Variants in FER observed in about 807,000 individuals in gnomAD.
The protein encoded by FER is FER tyrosine kinase.
A neutral mutation model predicts 111.0 loss-of-function variants in FER; 63 were observed. That is an observed-to-expected ratio of 0.57 (90% CI 0.46 to 0.70). The LOEUF is 0.70. FER is among the 30% of genes least tolerant of loss of function. The probability of loss-of-function intolerance (pLI) is 0.00; values close to 1 mark genes in which losing one functional copy is unlikely to be tolerated. For synonymous variants in FER, 327 were observed against 313.9 expected (o/e 1.04, Z -0.44); for missense variants, 914 against 954.0 (o/e 0.96, Z 0.55).
intron 3 of FER, among the ~76,000 whole-genome samples, chr5:108,819,413 G>GT (rs1477439008): frequency 6.6e-6 from 1 of 152,106 alleles, no homozygotes; most frequent in Non-Finnish European, 1.5e-5. Flanking sequence ...TATGTCAGGT[G>GT]TAACACATTA....
At chr5:108,772,351 T>TATATATATACACATATATATGTA (rs1561394982) in intron 2 of FER, among the ~76,000 whole-genome samples, 1 of 151,456 alleles carries the variant, frequency 6.6e-6, no homozygotes, top group African/African-American at 2.4e-5. Flanking sequence ...TATGTATATA[T>TATATATATACACATATATATGTA]TTTGTTGTTG....
intron 3 of FER, chr5:108,819,744 A>AG: frequency 2.1e-6 from 2 of 970,454 alleles, no homozygotes; most frequent in Non-Finnish European, 2.5e-6. Context: ...TGTGAGAGAG[A>AG]AAAAAAGCAT....
At chr5:108,882,071 G>A (rs896724840) in intron 8 of FER, among the ~76,000 whole-genome samples, 1 of 151,738 alleles carries the variant, frequency 6.6e-6, no homozygotes, top group Non-Finnish European at 1.5e-5. Flanking sequence ...GCTATACTAG[G>A]GCATTTAAAT....
intron 13 of FER, among the ~76,000 whole-genome samples, chr5:108,979,450 C>T (rs74919803): frequency 0.011 from 1,599 of 152,230 alleles, 24 homozygotes; most frequent in African/African-American, 0.036. Flanking sequence ...TTATAAGTTA[C>T]AGTTTGAACA....
chr5:108,807,966 G>A (rs576018196), intron 3 of FER, among the ~76,000 whole-genome samples: 2 of 148,478 alleles, frequency 1.3e-5, no homozygotes, highest in Non-Finnish European at 3.0e-5. Flanking sequence ...TTATTTCACT[G>A]TGGCCCAAGA....
At chr5:109,116,973 C>T (rs1303887094) in intron 17 of FER, among the ~76,000 whole-genome samples, 1 of 152,060 alleles carries the variant, frequency 6.6e-6, no homozygotes, top group Non-Finnish European at 1.5e-5. Flanking sequence ...TATTTTCTGT[C>T]ATATGTGTCA....
intron 17 of FER, among the ~76,000 whole-genome samples, chr5:109,174,453 C>T (rs1303729742): frequency 1.3e-5 from 2 of 152,122 alleles, no homozygotes; most frequent in Non-Finnish European, 2.9e-5. Flanking sequence ...AAGGGCTCAA[C>T]ATACCACCTC....
Position 108,871,469 on chromosome 5 carries a change from G to A in FER, c.770G>A (p.Ser257Asn). 6.2e-7 allele frequency: 1 copy of A among 1,608,984 alleles called. No homozygotes were observed. The highest frequency in any genetic ancestry group is 1.1e-5 in the South Asian group (1 of 90,360). The change falls in exon 7 of 20, where the codon AGT (serine) becomes AAT (asparagine). Residue 257 changes from serine to asparagine, a missense_variant. Physicochemically the swap from Ser to Asn is conservative, Grantham distance 46 (BLOSUM62 1). Transcript: ENST00000281092. ...IQMSVEQIDP[S>N]TEYNNFIDVH... ...ATGTCGGTTGAACAGATAGATCCTAGTACAGAATACAATAATTTCATAGAT... is the reference window on the plus strand; with the variant it reads ...ATGTCGGTTGAACAGATAGATCCTAATACAGAATACAATAATTTCATAGAT...
At chr5:108,847,291 A>G (rs1467873920) in intron 5 of FER, among the ~76,000 whole-genome samples, 2 of 151,692 alleles carry the variant, frequency 1.3e-5, no homozygotes, top group Non-Finnish European at 2.9e-5. Context: ...ATTTAGAAGA[A>G]TGTTGTCTAG....
chr5:108,932,871 G>A (rs1243266317), intron 10 of FER, among the ~76,000 whole-genome samples: 6 of 132,784 alleles, frequency 4.5e-5, no homozygotes, highest in Non-Finnish European at 8.2e-5. Context: ...TTTTTTTTTT[G>A]ATGGGGTTGT....
At chr5:109,026,733 C>CAGTG (rs1225075673) in intron 13 of FER, among the ~76,000 whole-genome samples, 1 of 152,206 alleles carries the variant, frequency 6.6e-6, no homozygotes, top group East Asian at 1.9e-4. Flanking sequence ...AGCTGGAGTA[C>CAGTG]AGTGGCCCAA....
intron 11 of FER, among the ~76,000 whole-genome samples, chr5:108,948,921 C>T (rs1244805553): frequency 6.6e-6 from 1 of 151,974 alleles, no homozygotes; most frequent in African/African-American, 2.4e-5. Context: ...ATATAGATAA[C>T]AGAAGAATTA....
intron 10 of FER, among the ~76,000 whole-genome samples, chr5:108,919,948 G>A (rs770442350): frequency 8.5e-5 from 13 of 152,060 alleles, no homozygotes; most frequent in South Asian, 2.1e-4. Flanking sequence ...TAAAAGTTAC[G>A]TGAAATAATG....
At chr5:108,749,276 G>A (rs1046946788) in intron 1 of FER, among the ~76,000 whole-genome samples, 1 of 152,118 alleles carries the variant, frequency 6.6e-6, no homozygotes. Context: ...TACACACCCA[G>A]CCCCACGAGG....
At chr5:108,762,637 C>T (rs1751888863) in intron 1 of FER, among the ~76,000 whole-genome samples, 1 of 152,204 alleles carries the variant, frequency 6.6e-6, no homozygotes, top group East Asian at 1.9e-4. Flanking sequence ...CAGGATCTTT[C>T]TCTGAACTAG....
intron 14 of FER, among the ~76,000 whole-genome samples, chr5:109,038,443 T>TCCCC (rs1770696916): frequency 6.6e-6 from 1 of 151,948 alleles, no homozygotes; most frequent in African/African-American, 2.4e-5. Context: ...TTGACTATTT[T>TCCCC]CCCCTATTTT....
chr5:109,165,297 A>G (rs1482812972), intron 17 of FER, among the ~76,000 whole-genome samples: 3 of 152,122 alleles, frequency 2.0e-5, no homozygotes, highest in Non-Finnish European at 4.4e-5. Context: ...CATTATCTCT[A>G]TTGCTCTAAT....
chr5:109,055,538 G>A (rs2149943786), intron 16 of FER, among the ~76,000 whole-genome samples: 1 of 152,212 alleles, frequency 6.6e-6, no homozygotes, highest in East Asian at 1.9e-4. Flanking sequence ...TGTAATCCCA[G>A]CACTTTGGGA....
intron 13 of FER, among the ~76,000 whole-genome samples, chr5:108,975,176 C>T (rs1335596149): frequency 1.3e-5 from 2 of 152,166 alleles, no homozygotes; most frequent in Non-Finnish European, 2.9e-5. Context: ...ACTGCATGTT[C>T]TCACTCATAA....
Sources: gnomAD v4.1 joint callset for allele counts (sites outside exome capture counted in the v4.1 genomes callset) on GRCh38, gnomAD v4.1.1 for gene constraint, MANE v1.5 for transcripts, NCBI Gene and HGNC (gene_info 2026-07-23, HGNC 2026-07-21) for gene names.